Variants in AUTS2 observed in about 807,000 individuals in gnomAD.
AUTS2 encodes the protein activator of transcription and developmental regulator AUTS2.
In AUTS2, 17 loss-of-function variants were observed where a neutral mutation model predicts 112.4. That is an observed-to-expected ratio of 0.15 (90% CI 0.10 to 0.23). AUTS2 has a LOEUF of 0.23. AUTS2 is among the 10% of genes least tolerant of loss of function. The probability of loss-of-function intolerance (pLI) is 1.00; values close to 1 mark genes in which losing one functional copy is unlikely to be tolerated. For synonymous variants in AUTS2, 751 were observed against 702.7 expected, an observed-to-expected ratio of 1.07 and a Z score of -1.09; for missense variants, 1,510 against 1,701.6, an observed-to-expected ratio of 0.89 and a Z score of 1.98.
At position 70,567,115 on chromosome 7, in the gene AUTS2, T is replaced by G. The variant is rs536603534; in HGVS notation, c.690+131334T>G. Among the ~76,000 whole-genome samples, 20 of 152,208 alleles carry G rather than the reference T, an allele frequency of 1.3e-4. No individual in the cohort carries two copies. In the South Asian group the frequency reaches 1.5e-3, roughly 11 times the overall value. The stretch of plus-strand genomic sequence containing the variant: ...TTGCCGTTTTTTATACTTGCCTAAC[T>G]GGGGGTTTAAGGTATTGCTAGAAGC... On this transcript the variant is annotated intron_variant, in intron 5 of 18. Coordinates refer to ENST00000342771, the MANE Select transcript of AUTS2 (RefSeq NM_015570.4).
chr7:69,729,417 A>ACCC (rs572743703), intron 1 of AUTS2, among the ~76,000 whole-genome samples: 11 of 56,002 alleles, frequency 2.0e-4, no homozygotes, highest in African/African-American at 7.4e-4. Flanking sequence ...ATGTCCCCCA[A>ACCC]CACCCCCCCC....
At chr7:70,311,311 A>G (rs1789739065) in intron 4 of AUTS2, among the ~76,000 whole-genome samples, 1 of 152,186 alleles carries the variant, frequency 6.6e-6, no homozygotes, top group African/African-American at 2.4e-5. Flanking sequence ...CCATTATTAT[A>G]TTTGTCATGA....
chr7:70,685,797 A>C (rs1808446940), intron 5 of AUTS2, among the ~76,000 whole-genome samples: 1 of 152,202 alleles, frequency 6.6e-6, no homozygotes, highest in Admixed American at 6.5e-5. Context: ...CGATCAGTTC[A>C]CCAGCAGTTC....
At chr7:70,273,900 T>A (rs892857336) in intron 4 of AUTS2, among the ~76,000 whole-genome samples, 2 of 152,230 alleles carry the variant, frequency 1.3e-5, no homozygotes, top group Non-Finnish European at 2.9e-5. Flanking sequence ...GAGAAGATTT[T>A]AAAAATATTG....
At chr7:70,256,354 G>A (rs1786868823) in intron 4 of AUTS2, among the ~76,000 whole-genome samples, 1 of 152,118 alleles carries the variant, frequency 6.6e-6, no homozygotes, top group African/African-American at 2.4e-5. Context: ...TTGCACAGTG[G>A]GCCAAGAGAA....
intron 1 of AUTS2, among the ~76,000 whole-genome samples, chr7:69,837,757 G>A (rs1023523565): frequency 5.9e-5 from 9 of 152,126 alleles, no homozygotes; most frequent in African/African-American, 1.7e-4. Flanking sequence ...TGGTATCATC[G>A]ATTATGCTTT....
At chr7:70,693,773 G>A (rs1299884990) in intron 5 of AUTS2, among the ~76,000 whole-genome samples, 1 of 152,228 alleles carries the variant, frequency 6.6e-6, no homozygotes, top group East Asian at 1.9e-4. Flanking sequence ...TCCCTGCCAT[G>A]GCGCAATCTT....
At chr7:70,611,334 C>T (rs1245896494) in intron 5 of AUTS2, among the ~76,000 whole-genome samples, 2 of 152,190 alleles carry the variant, frequency 1.3e-5, no homozygotes, top group Admixed American at 6.5e-5. Context: ...GCTCCTTCTG[C>T]GGTCTAGAAT....
rs116128635 is a variant in AUTS2 at position 69,752,998 on chromosome 7, T to C, written c.310-146288T>C. Among the ~76,000 whole-genome samples the C allele has an allele frequency of 7.5e-3, 1,145 of 152,326 alleles. 17 individuals carry two copies. The highest frequency in any genetic ancestry group is 0.026 in the African/African-American group (1,080 of 41,582). ...TGTTTCCTGACCAACGACTGTGTAC[T>C]GTCTAGAATGAAGCATAGTGTTTAG... On this transcript the variant is annotated intron_variant, in intron 1 of 18. Coordinates refer to ENST00000342771, the MANE Select transcript of AUTS2 (RefSeq NM_015570.4).
intron 1 of AUTS2, among the ~76,000 whole-genome samples, chr7:69,842,625 T>C (rs536922286): frequency 6.6e-6 from 1 of 152,350 alleles, no homozygotes; most frequent in East Asian, 1.9e-4. Context: ...GTTTACTTTG[T>C]TCAAACTCTC....
intron 4 of AUTS2, among the ~76,000 whole-genome samples, chr7:70,387,662 C>CT (rs1793673804): frequency 6.6e-6 from 1 of 152,184 alleles, no homozygotes; most frequent in Non-Finnish European, 1.5e-5. Flanking sequence ...GCAAATTTGA[C>CT]TTTTTTCTTT....
chr7:70,642,055 C>T (rs545640008), intron 5 of AUTS2, among the ~76,000 whole-genome samples: 38 of 152,302 alleles, frequency 2.5e-4, no homozygotes, highest in South Asian at 4.1e-4. Flanking sequence ...AATCTACCTG[C>T]GGTGCATGTA....
At chr7:70,704,194 A>G (rs370463439) in intron 6 of AUTS2, among the ~76,000 whole-genome samples, 2 of 152,366 alleles carry the variant, frequency 1.3e-5, no homozygotes, top group East Asian at 3.9e-4. Context: ...CTTTTGCCGA[A>G]CTTGTGAATG....
At chr7:70,472,146 G>T (rs1452447185) in intron 5 of AUTS2, among the ~76,000 whole-genome samples, 3 of 152,164 alleles carry the variant, frequency 2.0e-5, no homozygotes, top group African/African-American at 4.8e-5. Context: ...TTGTCACTGT[G>T]CTACTCTTCA....
At chr7:69,823,116 CTG>C (rs1791070753) in intron 1 of AUTS2, among the ~76,000 whole-genome samples, 1 of 152,260 alleles carries the variant, frequency 6.6e-6, no homozygotes, top group African/African-American at 2.4e-5. Flanking sequence ...GAAGGCAGAA[CTG>C]TAAAAAAAAC....
intron 4 of AUTS2, among the ~76,000 whole-genome samples, chr7:70,407,258 C>T (rs1413967427): frequency 6.6e-6 from 1 of 152,170 alleles, no homozygotes; most frequent in Non-Finnish European, 1.5e-5. Context: ...TCTCTCTCCC[C>T]TCAAACCAAA....
At chr7:70,168,241 T>C (rs1311105065) in intron 4 of AUTS2, among the ~76,000 whole-genome samples, 1 of 152,198 alleles carries the variant, frequency 6.6e-6, no homozygotes, top group Non-Finnish European at 1.5e-5. Context: ...TCTGTGACCA[T>C]CAGTCTGTCT....
chr7:69,669,943 G>A (rs908082549), intron 1 of AUTS2, among the ~76,000 whole-genome samples: 1 of 152,182 alleles, frequency 6.6e-6, no homozygotes, highest in Non-Finnish European at 1.5e-5. Flanking sequence ...ACAGCCTGGC[G>A]ACATAATGGA....
chr7:69,606,413 G>T (rs1792718463), intron 1 of AUTS2, among the ~76,000 whole-genome samples: 2 of 152,306 alleles, frequency 1.3e-5, no homozygotes, highest in African/African-American at 4.8e-5. Context: ...GGCATTTCGG[G>T]TGTTTGTGTA....
Sources: gnomAD v4.1 joint callset for allele counts (sites outside exome capture counted in the v4.1 genomes callset) on GRCh38, gnomAD v4.1.1 for gene constraint, MANE v1.5 for transcripts, NCBI Gene and HGNC (gene_info 2026-07-23, HGNC 2026-07-21) for gene names.